CHD9: variants seen among roughly 807,000 people sequenced by gnomAD.
CHD9 encodes the protein ATP-dependent chromatin remodeler CHD9.
Under a neutral mutation model 316.1 loss-of-function variants are expected in CHD9, and 77 were observed. The ratio of observed to expected loss-of-function variants is 0.24; its 90% confidence interval spans 0.20 to 0.29. CHD9 has a LOEUF of 0.29. Among genes scored for constraint, CHD9 ranks in the 10% least tolerant of loss-of-function variants. The pLI is 1.00. For synonymous variants in CHD9, 1,129 were observed against 1,158.3 expected, an observed-to-expected ratio of 0.97 and a Z score of 0.51; for missense variants, 2,763 against 3,438.1, an observed-to-expected ratio of 0.80 and a Z score of 4.91.
intron 19 of CHD9, 21 bp downstream of exon 19, chr16:53,255,800 A>G (rs2152978336): frequency 6.8e-6 from 11 of 1,606,650 alleles, no homozygotes; most frequent in African/African-American, 6.7e-5. Flanking sequence ...GTGCAATTTT[A>G]TTAACATAGC....
At chr16:53,312,167 AT>A (rs2153097153) in intron 34 of CHD9, among the ~76,000 whole-genome samples, 1 of 152,298 alleles carries the variant, frequency 6.6e-6, no homozygotes, top group African/African-American at 2.4e-5. Context: ...ATGTTTTTTC[AT>A]AGATAATTAT....
intron 1 of CHD9, among the ~76,000 whole-genome samples, chr16:53,113,544 G>A (rs908355089): frequency 6.6e-6 from 1 of 151,596 alleles, no homozygotes; most frequent in African/African-American, 2.4e-5. Context: ...ATCTCTTGAC[G>A]TCATGATGCA....
chr16:53,179,979 T>C (rs1421902906), intron 2 of CHD9, among the ~76,000 whole-genome samples: 1 of 151,642 alleles, frequency 6.6e-6, no homozygotes, highest in Non-Finnish European at 1.5e-5. Context: ...TGAAGAGCAG[T>C]GGTCATTATG....
chr16:53,285,299 C>T (rs2053772598), intron 24 of CHD9, among the ~76,000 whole-genome samples: 1 of 152,098 alleles, frequency 6.6e-6, no homozygotes, highest in Middle Eastern at 3.2e-3. Flanking sequence ...CAATAGAACC[C>T]TTTGTCTCTA....
intron 1 of CHD9, among the ~76,000 whole-genome samples, chr16:53,092,779 T>G (rs533299151): frequency 2.6e-5 from 4 of 152,190 alleles, no homozygotes; most frequent in African/African-American, 9.6e-5. Flanking sequence ...ATTATTTATT[T>G]ATTTATTTAT....
chr16:53,305,696 A>T (rs545337999), intron 31 of CHD9, among the ~76,000 whole-genome samples: 2 of 152,196 alleles, frequency 1.3e-5, no homozygotes, highest in East Asian at 3.9e-4. Flanking sequence ...TTCTGCAGGA[A>T]CCCTTGCAGC....
chr16:53,268,188 A>G, intron 22 of CHD9, 62 bp downstream of exon 22: 1 of 1,077,222 alleles, frequency 9.3e-7, no homozygotes, highest in Admixed American at 2.4e-5. Flanking sequence ...AATACTTAAC[A>G]TATTCTCCTA....
chr16:53,202,216 T>A (rs937012069), intron 2 of CHD9, among the ~76,000 whole-genome samples: 2 of 152,148 alleles, frequency 1.3e-5, no homozygotes, highest in Non-Finnish European at 2.9e-5. Flanking sequence ...CTAAAAAAGA[T>A]AACCATAATT....
chr16:53,109,721 G>A (rs2037698921), intron 1 of CHD9, among the ~76,000 whole-genome samples: 1 of 114,988 alleles, frequency 8.7e-6, no homozygotes, highest in Admixed American at 1.3e-4. Context: ...GTCTCGCTCC[G>A]TCACCCAGGC....
chr16:53,126,161 TAG>T (rs1436475834), intron 1 of CHD9, among the ~76,000 whole-genome samples: 1 of 152,214 alleles, frequency 6.6e-6, no homozygotes, highest in Non-Finnish European at 1.5e-5. Flanking sequence ...TTTTTCCTCT[TAG>T]AGTTTTATAG....
intron 2 of CHD9, among the ~76,000 whole-genome samples, chr16:53,181,396 T>C (rs571968034): frequency 6.6e-6 from 1 of 152,252 alleles, no homozygotes; most frequent in South Asian, 2.1e-4. Context: ...GTAAAGTTTT[T>C]TGAGGAACCG....
chr16:53,229,404 G>GCCTC (rs2047968220), intron 8 of CHD9, among the ~76,000 whole-genome samples: 1 of 152,104 alleles, frequency 6.6e-6, no homozygotes, highest in Admixed American at 6.6e-5. Context: ...TTATTCAAGT[G>GCCTC]GAGGAAGTGA....
chr16:53,253,969 G>A (rs949532617), intron 17 of CHD9, among the ~76,000 whole-genome samples: 1 of 152,154 alleles, frequency 6.6e-6, no homozygotes, highest in African/African-American at 2.4e-5. Flanking sequence ...TTGAGGTCAG[G>A]AGTTCGAGAC....
intron 2 of CHD9, chr16:53,208,725 A>T (rs1239310849): frequency 2.0e-6 from 2 of 985,528 alleles, no homozygotes; most frequent in African/African-American, 3.5e-5. Context: ...AACATAACAA[A>T]ACTGTGATCT....
At chr16:53,316,218 A>G (rs1162352173) in intron 36 of CHD9, among the ~76,000 whole-genome samples, 1 of 152,186 alleles carries the variant, frequency 6.6e-6, no homozygotes, top group Non-Finnish European at 1.5e-5. Flanking sequence ...CTGGCTAAAT[A>G]TTGCAATCCT....
chr16:53,156,716 T>A lies in CHD9; in HGVS notation c.627T>A (p.Asn209Lys), dbSNP rs759957818. ...ATGTTTCTGGTCCACATAGAGTCAA[T>A]GTTAACCACCCACCACAGATGACTA... ...FMNVSGPHRV[N>K]VNHPPQMTNA... Residue 209 changes from asparagine to lysine, a missense_variant, in exon 2 of 39, where the codon AAT becomes AAA. Transcript: ENST00000447540. The A allele has an allele frequency of 1.9e-6, 3 of 1,613,874 alleles. No individual in the cohort carries two copies. The Admixed American group carries it at 5.0e-5, about 27-fold the overall frequency.
chr16:53,191,285 ATTCT>A (rs1228911080), intron 2 of CHD9, among the ~76,000 whole-genome samples: 2 of 151,592 alleles, frequency 1.3e-5, no homozygotes, highest in Non-Finnish European at 2.9e-5. Flanking sequence ...TTTCTTTCTC[ATTCT>A]TTCTTTTTTT....
chr16:53,281,977 A>G (rs942391704), intron 24 of CHD9, among the ~76,000 whole-genome samples: 3 of 152,120 alleles, frequency 2.0e-5, no homozygotes, highest in East Asian at 1.9e-4. Context: ...TTTCATTACA[A>G]TTTAAGCTGC....
At chr16:53,067,023 A>G (rs1328057765) in intron 1 of CHD9, among the ~76,000 whole-genome samples, 1 of 152,002 alleles carries the variant, frequency 6.6e-6, no homozygotes, top group Non-Finnish European at 1.5e-5. Flanking sequence ...GCTCACTGCA[A>G]CCTCTGCCTC....
Sources: allele counts gnomAD v4.1 joint callset (sites outside exome capture counted in the v4.1 genomes callset), GRCh38; gene constraint gnomAD v4.1.1; transcripts MANE v1.5; gene names NCBI Gene and HGNC (gene_info 2026-07-23, HGNC 2026-07-21).